The following TMPRSS15 variants were observed in gnomAD, a reference collection of about 807,000 sequenced individuals.
The protein encoded by TMPRSS15 is enteropeptidase.
TMPRSS15 carries 128 observed loss-of-function variants against 125.3 expected under a neutral mutation model. The ratio of observed to expected loss-of-function variants is 1.02; its 90% CI spans 0.89 to 1.18. TMPRSS15 has a LOEUF of 1.18. Among genes scored for constraint, TMPRSS15 ranks in the 50% most tolerant of loss-of-function variants. The pLI is 0.00. For synonymous variants in TMPRSS15, 446 were observed against 423.2 expected (o/e 1.05, Z -0.66); for missense variants, 1,283 against 1,212.7 (o/e 1.06, Z -0.86).
chr21:18,347,653 A>G (rs923855157), intron 10 of TMPRSS15, among the ~76,000 whole-genome samples: 38 of 152,318 alleles, frequency 2.5e-4, no homozygotes, highest in African/African-American at 8.9e-4. Context: ...GTTGTTTAAC[A>G]TATTTTTGTT....
At chr21:18,409,875 TTCCC>T (rs1056932681) in intron 1 of TMPRSS15, among the ~76,000 whole-genome samples, 1 of 72,502 alleles carries the variant, frequency 1.4e-5, no homozygotes, top group Non-Finnish European at 2.5e-5. Context: ...CCTCCCTCCC[TTCCC>T]TCCCTCCCTC....
chr21:18,478,530 T>C (rs1568738516), intron 1 of TMPRSS15, among the ~76,000 whole-genome samples: 1 of 152,036 alleles, frequency 6.6e-6, no homozygotes, highest in Non-Finnish European at 1.5e-5. Flanking sequence ...CATCATTTTA[T>C]GTGAACTCCA....
intron 1 of TMPRSS15, among the ~76,000 whole-genome samples, chr21:18,451,069 CTTT>C (rs34100738): frequency 6.7e-6 from 1 of 149,634 alleles, no homozygotes; most frequent in South Asian, 2.1e-4. Context: ...AAAAGATTCT[CTTT>C]TTTTTTTAAA....
chr21:18,277,555 T>C (rs2074636946), intron 23 of TMPRSS15, among the ~76,000 whole-genome samples: 1 of 152,208 alleles, frequency 6.6e-6, no homozygotes, highest in Non-Finnish European at 1.5e-5. Context: ...ATATACTTGA[T>C]GGACAGCAGA....
At chr21:18,457,393 T>G (rs1978463204) in intron 1 of TMPRSS15, among the ~76,000 whole-genome samples, 1 of 152,044 alleles carries the variant, frequency 6.6e-6, no homozygotes, top group Admixed American at 6.6e-5. Flanking sequence ...AATGAAGTTG[T>G]GCTAAACCTC....
At chr21:18,348,550 G>A (rs1016132153) in intron 10 of TMPRSS15, among the ~76,000 whole-genome samples, 5 of 151,960 alleles carry the variant, frequency 3.3e-5, no homozygotes, top group African/African-American at 1.2e-4. Context: ...ACTGATGCAT[G>A]GCCTAAATTC....
intron 1 of TMPRSS15, among the ~76,000 whole-genome samples, chr21:18,463,989 A>G (rs1978604132): frequency 6.6e-6 from 1 of 151,948 alleles, no homozygotes; most frequent in Non-Finnish European, 1.5e-5. Flanking sequence ...CCTGGCAAAC[A>G]CAGTGAAACC....
chr21:18,382,617 G>A (rs924842606), intron 4 of TMPRSS15, among the ~76,000 whole-genome samples: 1 of 152,108 alleles, frequency 6.6e-6, no homozygotes, highest in African/African-American at 2.4e-5. Flanking sequence ...AAAATTAGTT[G>A]AACTAATTAA....
intron 18 of TMPRSS15, among the ~76,000 whole-genome samples, chr21:18,312,361 G>A (rs1050096536): frequency 2.6e-5 from 4 of 151,328 alleles, no homozygotes; most frequent in Admixed American, 6.6e-5. Flanking sequence ...GTTATTAATT[G>A]GAATTTTTAC....
intron 1 of TMPRSS15, among the ~76,000 whole-genome samples, chr21:18,483,594 T>C (rs2123293686): frequency 6.6e-6 from 1 of 152,008 alleles, no homozygotes; most frequent in African/African-American, 2.4e-5. Flanking sequence ...GAGATTTGGG[T>C]ATTTGTCTAA....
chr21:18,372,422 G>A (rs779041784), intron 5 of TMPRSS15, 98 bp from the exon 6 acceptor site: 1 of 1,027,298 alleles, frequency 9.7e-7, no homozygotes, highest in Non-Finnish European at 1.5e-6. Context: ...TTACTTATAA[G>A]TATGTTCTTC....
chr21:18,301,107 C>A (rs1389817176), intron 18 of TMPRSS15, among the ~76,000 whole-genome samples: 1 of 152,114 alleles, frequency 6.6e-6, no homozygotes, highest in African/African-American at 2.4e-5. Flanking sequence ...AAAATAGTTA[C>A]AAAATTATCA....
chr21:18,422,137 T>A (rs899715700), intron 1 of TMPRSS15, among the ~76,000 whole-genome samples: 2 of 151,944 alleles, frequency 1.3e-5, no homozygotes, highest in African/African-American at 4.8e-5. Context: ...GTGTGCACCA[T>A]CATGCTTAAG....
intron 7 of TMPRSS15, among the ~76,000 whole-genome samples, chr21:18,364,861 T>C (rs916905031): frequency 2.6e-5 from 4 of 152,214 alleles, no homozygotes; most frequent in African/African-American, 9.6e-5. Context: ...GTTGTTTGCC[T>C]GGCCGCACAT....
chr21:18,445,545 C>T (rs1311144110), intron 1 of TMPRSS15, among the ~76,000 whole-genome samples: 1 of 152,070 alleles, frequency 6.6e-6, no homozygotes, highest in Non-Finnish European at 1.5e-5. Flanking sequence ...CATATCTTCA[C>T]TATCATGAAT....
intron 4 of TMPRSS15, chr21:18,380,647 G>A (rs1399749407): frequency 4.3e-6 from 2 of 461,762 alleles, no homozygotes; most frequent in Middle Eastern, 3.3e-4. Flanking sequence ...ACAAAACATT[G>A]AGTACACCTT....
intron 19 of TMPRSS15, among the ~76,000 whole-genome samples, chr21:18,296,035 C>T (rs142521280): frequency 0.026 from 3,885 of 152,162 alleles, 146 homozygotes; most frequent in African/African-American, 0.088. Flanking sequence ...CACCTGTAGC[C>T]CCAGCTACTT....
chr21:18,286,793 T>A (rs2074769833), intron 21 of TMPRSS15, among the ~76,000 whole-genome samples: 1 of 152,152 alleles, frequency 6.6e-6, no homozygotes, highest in African/African-American at 2.4e-5. Context: ...TCCTGAGACC[T>A]CTCCAGGGCT....
At chr21:18,303,249 G>A (rs1457761940) in intron 18 of TMPRSS15, among the ~76,000 whole-genome samples, 1 of 151,822 alleles carries the variant, frequency 6.6e-6, no homozygotes, top group Non-Finnish European at 1.5e-5. Flanking sequence ...TAACTTTACT[G>A]CATATGTTCT....
Sources: allele counts gnomAD v4.1 joint callset (sites outside exome capture counted in the v4.1 genomes callset), GRCh38; gene constraint gnomAD v4.1.1; transcripts MANE v1.5; gene names NCBI Gene and HGNC (gene_info 2026-07-23, HGNC 2026-07-21).